The following ANXA3 variants were observed in gnomAD, a reference collection of about 807,000 sequenced individuals.
ANXA3 encodes the protein 35-alpha calcimedin.
ANXA3 carries 46 observed loss-of-function variants against 48.8 expected under a neutral mutation model. That is an observed-to-expected ratio of 0.94 (90% CI 0.74 to 1.21). ANXA3 has a LOEUF of 1.21. Ranked by LOEUF, ANXA3 falls within the 50% of genes most tolerant of loss-of-function variation. The pLI is 0.00. For missense variants in ANXA3, 383 were observed against 378.6 expected (o/e 1.01, Z -0.10); for synonymous variants, 128 against 134.7 (o/e 0.95, Z 0.35).
At chr4:78,568,569 T>C (rs1340671034) in intron 2 of ANXA3, among the ~76,000 whole-genome samples, 1 of 152,216 alleles carries the variant, frequency 6.6e-6, no homozygotes, top group East Asian at 1.9e-4. Context: ...TCTGTAGCAT[T>C]TGGCTTTAAA....
At chr4:78,573,116 T>G in intron 2 of ANXA3, 64 bp from the exon 3 acceptor site, 1 of 1,168,794 alleles carries the variant, frequency 8.6e-7, no homozygotes, top group Non-Finnish European at 1.3e-6. Context: ...TGAAGGAATA[T>G]GCATATGTAA....
At chr4:78,599,340 G>A (rs572359393) in intron 10 of ANXA3, among the ~76,000 whole-genome samples, 1 of 152,254 alleles carries the variant, frequency 6.6e-6, no homozygotes, top group Non-Finnish European at 1.5e-5. Context: ...TGTCTCTATA[G>A]ATTTGCCTAC....
chr4:78,589,341 A>G (rs1232998715), intron 6 of ANXA3, among the ~76,000 whole-genome samples: 8 of 152,220 alleles, frequency 5.3e-5, no homozygotes, highest in African/African-American at 1.7e-4. Context: ...AACTGCATCA[A>G]GGTTACCTTG....
chr4:78,595,631 C>T (rs571547326), intron 8 of ANXA3, among the ~76,000 whole-genome samples, 163 bp from the exon 9 acceptor site: 1 of 151,936 alleles, frequency 6.6e-6, no homozygotes, highest in Admixed American at 6.6e-5. Flanking sequence ...TTATCATTCT[C>T]CTTGGCTCCT....
intron 2 of ANXA3, among the ~76,000 whole-genome samples, chr4:78,562,780 T>C (rs1000527264): frequency 6.6e-6 from 1 of 152,018 alleles, no homozygotes; most frequent in African/African-American, 2.4e-5. Context: ...ATAAATATGA[T>C]GGGGGGTGTG....
rs185709147 is a variant in ANXA3 at position 78,587,831 on chromosome 4, C to T, written c.403+1481C>T. 3.5e-3 allele frequency among the ~76,000 whole-genome samples: 538 copies of T among 152,270 alleles called. 2 individuals are homozygous for T. Among genetic ancestry groups the T allele is most frequent in the African/African-American group, 0.012 (509 of 41,542 alleles). ...TTAAAGGGCCGGGTGCGGTGACTCA[C>T]GCCTGTAATCACAGCACTTGGGGAG... On this transcript the variant is annotated intron_variant, in intron 6 of 12. Transcript: ENST00000264908.
intron 4 of ANXA3, 59 bp downstream of exon 4, chr4:78,579,180 C>A: frequency 8.4e-7 from 1 of 1,195,290 alleles, no homozygotes; most frequent in East Asian, 2.4e-5. Flanking sequence ...ATGGTCGCTC[C>A]CACATGGTTA....
chr4:78,571,826 T>A (rs1334069518), intron 2 of ANXA3, among the ~76,000 whole-genome samples: 1 of 152,266 alleles, frequency 6.6e-6, no homozygotes, highest in Non-Finnish European at 1.5e-5. Context: ...ACTGACATGC[T>A]TCTAATTTAC....
At position 78,573,257 on chromosome 4, in the gene ANXA3, CAGAGG is replaced by C; in HGVS notation, c.95_99del (p.Arg32AsnfsTer4). ...ATGCTGAAGCTATTCAGAAAGCAAT[CAGAGG>C]AATTGGTGAGTGATATTTTACAATT... On this transcript the variant is annotated frameshift_variant, in exon 3 of 13. Coordinates refer to ENST00000264908, the MANE Select transcript of ANXA3 (RefSeq NM_005139.3). LOFTEE classifies it high-confidence loss of function. 6.2e-7 allele frequency: 1 copy of C among 1,610,404 alleles called. No individual in the cohort carries two copies. Among genetic ancestry groups the C allele is most frequent in the Non-Finnish European group, 8.5e-7 (1 of 1,176,986 alleles).
Position 78,579,081 on chromosome 4 carries a change from G to A in ANXA3, c.158G>A (p.Arg53Gln), listed in dbSNP as rs146728751. The A allele has an allele frequency of 1.8e-3, 2,858 of 1,611,804 alleles. 6 individuals are homozygous for A. Among genetic ancestry groups the A allele is most frequent in the Middle Eastern group, 5.0e-3 (30 of 6,038 alleles). ...CTGACTGAGAGGTCAAATGCACAGC[G>A]GCAGCTGATTGTTAAGGAATATCAA... ...SILTERSNAQ[R>Q]QLIVKEYQAA... Residue 53 changes from arginine (R) to glutamine (Q), a missense_variant, in exon 4 of 13, where the codon CGG becomes CAG. Physicochemically the swap from Arg to Gln is conservative, Grantham distance 43 (BLOSUM62 1). Transcript: ENST00000264908.
At chr4:78,607,656 G>T (rs1272951232) in intron 12 of ANXA3, among the ~76,000 whole-genome samples, 1 of 152,042 alleles carries the variant, frequency 6.6e-6, no homozygotes, top group African/African-American at 2.4e-5. Flanking sequence ...TAATCTATGT[G>T]GAGACTTGAG....
At chr4:78,605,973 C>T (rs1723638373) in intron 12 of ANXA3, among the ~76,000 whole-genome samples, 2 of 152,344 alleles carry the variant, frequency 1.3e-5, no homozygotes, top group South Asian at 4.1e-4. Context: ...CTTGATGCTC[C>T]AGACCACATA....
chr4:78,586,438 A>C, intron 6 of ANXA3, 88 bp downstream of exon 6: 1 of 915,396 alleles, frequency 1.1e-6, no homozygotes, highest in Non-Finnish European at 1.7e-6. Context: ...TCTCTTCATG[A>C]GGCATTTTGA....
chr4:78,566,088 A>G (rs1722724192), intron 2 of ANXA3, among the ~76,000 whole-genome samples: 1 of 152,190 alleles, frequency 6.6e-6, no homozygotes, highest in Admixed American at 6.5e-5. Flanking sequence ...CATCCTGGAG[A>G]GGCGGGAAGA....
At chr4:78,569,799 C>T (rs1466184813) in intron 2 of ANXA3, among the ~76,000 whole-genome samples, 1 of 152,156 alleles carries the variant, frequency 6.6e-6, no homozygotes, top group Non-Finnish European at 1.5e-5. Flanking sequence ...TGACATAGAG[C>T]AGGGGGCATT....
chr4:78,558,715 T>C (rs766922044), intron 2 of ANXA3, among the ~76,000 whole-genome samples: 2 of 152,234 alleles, frequency 1.3e-5, no homozygotes, highest in Non-Finnish European at 2.9e-5. Context: ...TTTGCAAATT[T>C]TGAATATCTC....
chr4:78,601,476 C>T (rs754738655), intron 10 of ANXA3, 34 bp from the exon 11 acceptor site: 80 of 1,604,084 alleles, frequency 5.0e-5, no homozygotes, highest in Admixed American at 1.0e-4. Flanking sequence ...ATTTCTATTC[C>T]GTGAAGCTGA....
chr4:78,563,396 C>G (rs1386231541), intron 2 of ANXA3, among the ~76,000 whole-genome samples: 3 of 152,246 alleles, frequency 2.0e-5, no homozygotes, highest in African/African-American at 7.2e-5. Flanking sequence ...CCCCCTCCCC[C>G]ACCAACCTGC....
At chr4:78,594,395 A>G (rs1451534021) in intron 7 of ANXA3, among the ~76,000 whole-genome samples, 5 of 152,220 alleles carry the variant, frequency 3.3e-5, no homozygotes, top group Non-Finnish European at 7.3e-5. Context: ...CTTTAGTTAA[A>G]TAGCGAGGGG....
Sources: allele counts gnomAD v4.1 joint callset (sites outside exome capture counted in the v4.1 genomes callset), GRCh38; gene constraint gnomAD v4.1.1; transcripts MANE v1.5; gene names NCBI Gene and HGNC (gene_info 2026-07-23, HGNC 2026-07-21).